SEMA5A: variants seen among roughly 807,000 people sequenced by gnomAD.
SEMA5A encodes the protein semaphorin 5A, also known as semaphorin-5A.
In SEMA5A, 55 loss-of-function variants were observed where a neutral mutation model predicts 135.5. The observed-to-expected ratio is 0.41, with a 90% confidence interval of 0.33 to 0.51. SEMA5A has a LOEUF of 0.51. Among genes scored for constraint, SEMA5A ranks in the 20% least tolerant of loss-of-function variants. The pLI, the probability that SEMA5A is intolerant of heterozygous loss-of-function variation, is 0.37. For missense variants in SEMA5A, 1,290 were observed against 1,419.9 expected (o/e 0.91, Z 1.47); for synonymous variants, 580 against 546.5 (o/e 1.06, Z -0.85).
At chr5:9,171,808 G>C (rs1166759509) in intron 11 of SEMA5A, among the ~76,000 whole-genome samples, 1 of 152,182 alleles carries the variant, frequency 6.6e-6, no homozygotes, top group Non-Finnish European at 1.5e-5. Context: ...AGAAGACCTG[G>C]AGGATGAGAG....
intron 16 of SEMA5A, 24 bp downstream of exon 16, chr5:9,108,115 TG>T (rs1200049024): frequency 6.2e-7 from 1 of 1,609,278 alleles, no homozygotes; most frequent in East Asian, 2.2e-5. Context: ...GATTGTGGGC[TG>T]GGTGTGAGAA....
chr5:9,495,076 A>G (rs1309074525), intron 1 of SEMA5A, among the ~76,000 whole-genome samples: 1 of 152,244 alleles, frequency 6.6e-6, no homozygotes, highest in African/African-American at 2.4e-5. Context: ...AAGTAATTGT[A>G]GGATATTCCA....
At chr5:9,311,255 C>G (rs1446996387) in intron 5 of SEMA5A, among the ~76,000 whole-genome samples, 4 of 151,900 alleles carry the variant, frequency 2.6e-5, no homozygotes, top group African/African-American at 9.7e-5. Flanking sequence ...TAATAATGTC[C>G]CCAGATATTG....
intron 3 of SEMA5A, among the ~76,000 whole-genome samples, chr5:9,361,074 A>C (rs374460209): frequency 5.0e-4 from 76 of 152,282 alleles, no homozygotes; most frequent in African/African-American, 1.7e-3. Flanking sequence ...CGAGGCAGGC[A>C]GACCACCTGA....
intron 20 of SEMA5A, among the ~76,000 whole-genome samples, chr5:9,051,444 A>G (rs1317275883): frequency 6.6e-6 from 1 of 152,218 alleles, no homozygotes; most frequent in Admixed American, 6.5e-5. Flanking sequence ...GAGAATAATG[A>G]TGCATTTCTA....
At chr5:9,276,220 A>G (rs1415799351) in intron 5 of SEMA5A, among the ~76,000 whole-genome samples, 1 of 151,728 alleles carries the variant, frequency 6.6e-6, no homozygotes, top group Non-Finnish European at 1.5e-5. Context: ...AATTGCTACA[A>G]AGAATAAAAT....
At chr5:9,341,215 C>CACAT (rs1753638241) in intron 3 of SEMA5A, among the ~76,000 whole-genome samples, 1 of 151,212 alleles carries the variant, frequency 6.6e-6, no homozygotes, top group Admixed American at 6.6e-5. Flanking sequence ...TACACACACA[C>CACAT]ACACACACAC....
In SEMA5A at chr5:9,050,467, G is replaced by C; in HGVS notation, c.2846-10C>G. The C allele has an allele frequency of 6.2e-7, 1 of 1,611,664 alleles. No individual in the cohort carries two copies. The highest frequency in any genetic ancestry group is 8.5e-7 in the Non-Finnish European group (1 of 1,178,868). On this transcript the variant is annotated splice_polypyrimidine_tract_variant and intron_variant, in intron 20 of 22. Transcript: ENST00000382496. ...CTTGCCACAGATACTTCTGGAAAAA[G>C]AAAAGTCGAATCACAATGTGTAAAA...
intron 16 of SEMA5A, among the ~76,000 whole-genome samples, chr5:9,107,366 G>GA (rs11408631): frequency 0.12 from 17,649 of 146,806 alleles, 1,568 homozygotes; most frequent in East Asian, 0.32. Context: ...AAAGGCAGGA[G>GA]AAAAAAAAAA....
At chr5:9,359,726 A>ATT (rs1754607814) in intron 3 of SEMA5A, among the ~76,000 whole-genome samples, 1 of 152,238 alleles carries the variant, frequency 6.6e-6, no homozygotes, top group African/African-American at 2.4e-5. Flanking sequence ...TTGTTAGGCA[A>ATT]TTAAGTATTC....
At chr5:9,044,139 G>C (rs1348679308) in intron 22 of SEMA5A, among the ~76,000 whole-genome samples, 1 of 152,166 alleles carries the variant, frequency 6.6e-6, no homozygotes, top group East Asian at 1.9e-4. Context: ...CTCCATACAG[G>C]TGGTGGAGAA....
At chr5:9,421,557 A>G (rs1757469973) in intron 2 of SEMA5A, among the ~76,000 whole-genome samples, 1 of 152,164 alleles carries the variant, frequency 6.6e-6, no homozygotes, top group Non-Finnish European at 1.5e-5. Context: ...GGGTTGTAAT[A>G]CTGGGTGAAA....
At chr5:9,245,773 T>G in intron 5 of SEMA5A, among the ~76,000 whole-genome samples, 1 of 152,150 alleles carries the variant, frequency 6.6e-6, no homozygotes, top group East Asian at 1.9e-4. Context: ...CAATATAATA[T>G]CTCAAATCTC....
intron 16 of SEMA5A, among the ~76,000 whole-genome samples, chr5:9,085,352 G>A (rs1186773090): frequency 6.6e-6 from 1 of 152,188 alleles, no homozygotes; most frequent in East Asian, 2.0e-4. Context: ...CTCATTACAG[G>A]CCCAGAGGCC....
intron 4 of SEMA5A, 103 bp downstream of exon 4, chr5:9,337,610 T>C (rs1753449223): frequency 1.5e-6 from 1 of 686,668 alleles, no homozygotes; most frequent in Non-Finnish European, 2.6e-6. Context: ...GAAATAATAT[T>C]ATTCAGCATT....
intron 1 of SEMA5A, among the ~76,000 whole-genome samples, chr5:9,456,354 C>G (rs1459629172): frequency 6.6e-6 from 1 of 152,024 alleles, no homozygotes; most frequent in Non-Finnish European, 1.5e-5. Context: ...CAGATGAGCA[C>G]CAGGATTTGA....
rs199666548 is a variant in SEMA5A, at chr5:9,507,250, C to T, written c.-175+38334G>A. Among the ~76,000 whole-genome samples, 11 of 152,280 alleles carry T rather than the reference C, an allele frequency of 7.2e-5. No homozygotes were observed. In the East Asian group the frequency reaches 2.1e-3, roughly 29 times the overall value. ...GTGTATCTCCATTATCTTCAAGTCA[C>T]TTTCAGGTTAAAACCATCCCAGAGT... On this transcript the variant is annotated intron_variant, in intron 1 of 22. Coordinates refer to ENST00000382496, the MANE Select transcript of SEMA5A (RefSeq NM_003966.3).
intron 2 of SEMA5A, among the ~76,000 whole-genome samples, chr5:9,431,481 G>T (rs1032582023): frequency 1.3e-5 from 2 of 152,170 alleles, no homozygotes; most frequent in African/African-American, 2.4e-5. Context: ...GAAGCAAAAT[G>T]ACTCTGATTT....
At chr5:9,441,262 A>G (rs1758222360) in intron 1 of SEMA5A, among the ~76,000 whole-genome samples, 1 of 152,242 alleles carries the variant, frequency 6.6e-6, no homozygotes, top group Non-Finnish European at 1.5e-5. Flanking sequence ...AGAAGAGTCA[A>G]GGAAAAGATT....
Sources: allele counts gnomAD v4.1 joint callset (sites outside exome capture counted in the v4.1 genomes callset), GRCh38; gene constraint gnomAD v4.1.1; transcripts MANE v1.5; gene names NCBI Gene and HGNC (gene_info 2026-07-23, HGNC 2026-07-21).